Variants in SLC28A1 observed in about 807,000 individuals in gnomAD.
The protein encoded by SLC28A1 is sodium/nucleoside cotransporter 1.
SLC28A1 carries 64 observed loss-of-function variants against 74.8 expected under a neutral mutation model. That is an observed-to-expected ratio of 0.86 (90% CI 0.70 to 1.05). The LOEUF is 1.05. SLC28A1 is among the 50% of genes least tolerant of loss of function. The probability of loss-of-function intolerance (pLI) is 0.00; values close to 1 mark genes in which losing one functional copy is unlikely to be tolerated. For missense variants in SLC28A1, 828 were observed against 822.8 expected, an observed-to-expected ratio of 1.01 and a Z score of -0.08; for synonymous variants, 359 against 335.0, an observed-to-expected ratio of 1.07 and a Z score of -0.78.
At position 84,922,372 on chromosome 15, in the gene SLC28A1, G is replaced by A. The variant is rs573975057; in HGVS notation, c.957+1303G>A. ...CCCTCATCACCCCTGCCCCTCTCAAGCCCTTCCCCTCTTGGCAAGTGGGAA... is the reference window on the plus strand; with the variant it reads ...CCCTCATCACCCCTGCCCCTCTCAAACCCTTCCCCTCTTGGCAAGTGGGAA... On this transcript the variant is annotated intron_variant, in intron 11 of 18. Coordinates refer to ENST00000394573, the MANE Select transcript of SLC28A1 (RefSeq NM_004213.5). Among the ~76,000 whole-genome samples, 3 of 152,124 alleles carry A rather than the reference G, an allele frequency of 2.0e-5. No individual in the cohort carries two copies. In the South Asian group the frequency reaches 6.2e-4, roughly 32 times the overall value.
At chr15:84,934,015 AC>A (rs1398167029) in intron 13 of SLC28A1, among the ~76,000 whole-genome samples, 1 of 152,034 alleles carries the variant, frequency 6.6e-6, no homozygotes, top group Admixed American at 6.6e-5. Flanking sequence ...TCCCATGATA[AC>A]CCATTATCCC....
chr15:84,889,491 G>A lies in SLC28A1; in HGVS notation c.185+631G>A, dbSNP rs141783057. ...ACCCTCTCAGGAGGAGGTGGGAGGT[G>A]GGGACTGAGAGGAGGTGAGGCTCCT... On this transcript the variant is annotated intron_variant, in intron 4 of 18. Transcript: ENST00000394573. Among the ~76,000 whole-genome samples, 15 of 152,264 alleles carry A rather than the reference G, an allele frequency of 9.9e-5. No individual in the cohort carries two copies. The East Asian group carries it at 2.1e-3, about 22-fold the overall frequency.
rs972259205 is a variant in SLC28A1 at position 84,932,424 on chromosome 15, G to T, written c.1084-721G>T. ...GGGGCTGACATTGCTCTGCCATCTT[G>T]CTGGGAGTGGTTTTCACAGCGTGGC... On this transcript the variant is annotated intron_variant, in intron 12 of 18. Coordinates refer to ENST00000394573, the MANE Select transcript of SLC28A1 (RefSeq NM_004213.5). Among the ~76,000 whole-genome samples the T allele has an allele frequency of 7.2e-5, 11 of 152,314 alleles. No homozygotes were observed. In the East Asian group the frequency reaches 1.9e-3, roughly 27 times the overall value.
the SLC28A1 span, among the ~76,000 whole-genome samples, chr15:84,970,834 CAA>C: frequency 6.3e-3 from 936 of 149,710 alleles, 8 homozygotes; most frequent in African/African-American, 0.021. Context: ...CTCATATCTA[CAA>C]AAAAAAACAA....
rs150542885 is a variant in SLC28A1 at position 84,894,030 on chromosome 15, G to T, written c.278-910G>T. Among the ~76,000 whole-genome samples, 8 of 152,184 alleles carry T rather than the reference G, an allele frequency of 5.3e-5. No homozygotes were observed. The East Asian group carries it at 1.5e-3, about 29-fold the overall frequency. ...TTTCAGATCACATTTTTTATCCATG[G>T]CTATGAGTCCTTTCCATTCTTCGAA... On this transcript the variant is annotated intron_variant, in intron 5 of 18. Coordinates refer to ENST00000394573, the MANE Select transcript of SLC28A1 (RefSeq NM_004213.5).
intron 12 of SLC28A1, among the ~76,000 whole-genome samples, chr15:84,930,600 C>T (rs940533178): frequency 9.3e-5 from 14 of 150,240 alleles, no homozygotes; most frequent in African/African-American, 1.7e-4. Context: ...GGGGTGCCCA[C>T]GATCTGCCCT....
intron 9 of SLC28A1, among the ~76,000 whole-genome samples, chr15:84,910,030 G>A (rs548360970): frequency 2.6e-5 from 4 of 152,308 alleles, no homozygotes; most frequent in African/African-American, 4.8e-5. Context: ...GCCTACCCCT[G>A]ACCCTGACCC....
In SLC28A1 at chr15:84,924,030, C is replaced by T. The variant is rs758211066; in HGVS notation, c.1003C>T (p.Leu335Phe). Residue 335 changes from leucine (L) to phenylalanine (F), a missense_variant, in exon 12 of 19, where the codon CTC (leucine) becomes TTC (phenylalanine). Leu to Phe is a conservative substitution (Grantham distance 22). Coordinates refer to ENST00000394573, the MANE Select transcript of SLC28A1 (RefSeq NM_004213.5). ...LIRPYLADMT[L>F]SEVHVVMTGG... ...CCGGCCCTACTTGGCAGACATGACA[C>T]TCTCTGAAGTCCACGTTGTCATGAC... 8.1e-6 allele frequency: 13 copies of T among 1,613,920 alleles called. No individual in the cohort carries two copies. In the South Asian group the frequency reaches 1.4e-4, roughly 18 times the overall value.
the SLC28A1 span, among the ~76,000 whole-genome samples, chr15:84,971,496 C>T: frequency 6.6e-6 from 1 of 152,164 alleles, no homozygotes; most frequent in Admixed American, 6.5e-5. Context: ...CTCCCTCTCT[C>T]ACCATGTGAT....
At chr15:84,954,707 C>T in the SLC28A1 span, among the ~76,000 whole-genome samples, 1 of 152,176 alleles carries the variant, frequency 6.6e-6, no homozygotes, top group Non-Finnish European at 1.5e-5. Flanking sequence ...CGTTGGCTTC[C>T]TCATTGATCT....
At chr15:84,961,331 A>AT in the SLC28A1 span, among the ~76,000 whole-genome samples, 2,113 of 139,554 alleles carry the variant, frequency 0.015, 39 homozygotes, top group African/African-American at 0.045. Context: ...GTGAGAGAGA[A>AT]TTTTTTTTTT....
intron 6 of SLC28A1, chr15:84,895,340 G>A: frequency 6.2e-7 from 1 of 1,613,764 alleles, no homozygotes; most frequent in Non-Finnish European, 8.5e-7. Context: ...GGTGACTGTG[G>A]TGGACGAAAA....
chr15:84,965,317 T>C, the SLC28A1 span, among the ~76,000 whole-genome samples: 2 of 152,210 alleles, frequency 1.3e-5, no homozygotes, highest in Admixed American at 6.5e-5. Context: ...TGCAGAACTG[T>C]GAGTCAATTA....
At chr15:84,935,559 C>A in intron 15 of SLC28A1, 41 bp downstream of exon 15, 1 of 1,554,020 alleles carries the variant, frequency 6.4e-7, no homozygotes, top group Non-Finnish European at 8.8e-7. Flanking sequence ...GGGGATGACA[C>A]GGCACAGCCA....
In SLC28A1 at chr15:84,944,814, C is replaced by T. The variant is rs17222267; in HGVS notation, c.1821C>T (p.Thr607=). ...ACTGCATGTCCCTCTTGAACACGAC[C>T]CTCAGCAGCAGTAGCTTTGAGATTT... is the stretch of plus-strand genomic sequence containing the variant. ...EVDCMSLLNT[T]LSSSSFEIYQ... Residue 607 remains threonine, a synonymous_variant, in exon 18 of 19, where the codon ACC becomes ACT. Coordinates refer to ENST00000394573, the MANE Select transcript of SLC28A1 (RefSeq NM_004213.5). The T allele has an allele frequency of 2.0e-4, 323 of 1,614,014 alleles. 3 individuals are homozygous for T. In the Admixed American group the frequency reaches 5.1e-3, roughly 25 times the overall value.
chr15:84,919,600 A>G (rs748621161), intron 10 of SLC28A1, among the ~76,000 whole-genome samples: 1 of 152,180 alleles, frequency 6.6e-6, no homozygotes, highest in Non-Finnish European at 1.5e-5. Context: ...CAGAAGGCAG[A>G]AGTGAGCACA....
At chr15:84,892,178 C>T (rs759230145) in intron 5 of SLC28A1, among the ~76,000 whole-genome samples, 7 of 151,700 alleles carry the variant, frequency 4.6e-5, no homozygotes, top group Non-Finnish European at 5.9e-5. Context: ...AGCAAGACCC[C>T]ACCTCTACAA....
intron 9 of SLC28A1, among the ~76,000 whole-genome samples, chr15:84,911,398 G>A (rs368067265): frequency 6.6e-6 from 1 of 152,164 alleles, no homozygotes; most frequent in African/African-American, 2.4e-5. Context: ...GGAGCAGTGT[G>A]TTGGCCGCAA....
At chr15:84,943,096 G>T (rs1328175505) in intron 15 of SLC28A1, among the ~76,000 whole-genome samples, 1 of 152,186 alleles carries the variant, frequency 6.6e-6, no homozygotes, top group Non-Finnish European at 1.5e-5. Flanking sequence ...TGAGGCAGGA[G>T]AATGGCTTGA....
Sources: gnomAD v4.1 joint callset for allele counts (sites outside exome capture counted in the v4.1 genomes callset) on GRCh38, gnomAD v4.1.1 for gene constraint, MANE v1.5 for transcripts, NCBI Gene and HGNC (gene_info 2026-07-23, HGNC 2026-07-21) for gene names.